The following PLA2G6 variants were observed in gnomAD, a reference collection of about 807,000 sequenced individuals.
PLA2G6 encodes the protein phospholipase A2 group VI.
Under a neutral mutation model 83.8 loss-of-function variants are expected in PLA2G6, and 62 were observed. That is an observed-to-expected ratio of 0.74 (90% CI 0.60 to 0.91). The LOEUF (loss-of-function observed/expected upper bound fraction) is 0.91. Among genes scored for constraint, PLA2G6 ranks in the 40% least tolerant of loss-of-function variants. The pLI is 0.00. For synonymous variants in PLA2G6, 417 were observed against 449.8 expected (o/e 0.93, Z 0.92); for missense variants, 944 against 1,102.0 (o/e 0.86, Z 2.03).
chr22:38,151,828 T>G (rs1025535790), intron 2 of PLA2G6, among the ~76,000 whole-genome samples: 2 of 152,224 alleles, frequency 1.3e-5, no homozygotes, highest in African/African-American at 4.8e-5. Context: ...TCTAAGGTTC[T>G]GTCAAGATGT....
intron 9 of PLA2G6, among the ~76,000 whole-genome samples, chr22:38,127,632 G>A (rs2087945362): frequency 6.6e-6 from 1 of 152,192 alleles, no homozygotes; most frequent in Non-Finnish European, 1.5e-5. Context: ...GGCTCACCAA[G>A]GACTGGCTCC....
At chr22:38,145,224 C>G in intron 3 of PLA2G6, 1 of 613,342 alleles carries the variant, frequency 1.6e-6, no homozygotes, top group Non-Finnish European at 2.9e-6. Context: ...GAGACAAGGT[C>G]TTGCTATTTT....
intron 15 of PLA2G6, 25 bp from the exon 16 acceptor site, chr22:38,112,602 T>C: frequency 6.5e-7 from 1 of 1,542,140 alleles, no homozygotes; most frequent in Non-Finnish European, 8.8e-7. Context: ...CCTTGGTGAG[T>C]GCCGGGCCCA....
At position 38,120,919 on chromosome 22, in the gene PLA2G6, A is replaced by T; in HGVS notation, c.1592-10T>A. 3.7e-6 allele frequency: 6 copies of T among 1,613,084 alleles called. No homozygotes were observed. The South Asian group carries it at 5.5e-5, about 15-fold the overall frequency. ...TAGGCCATGGACTTACCTAGGAACA[A>T]AGGGGTCAGAGGCGGGGAGATGCAG... On this transcript the variant is annotated splice_polypyrimidine_tract_variant and intron_variant, in intron 11 of 16. Coordinates refer to ENST00000332509, the MANE Select transcript of PLA2G6 (RefSeq NM_003560.4).
chr22:38,145,590 C>A lies in PLA2G6; in HGVS notation c.273G>T (p.Leu91=). 6.2e-7 allele frequency: 1 copy of A among 1,613,864 alleles called. No homozygotes were observed. Among genetic ancestry groups the A allele is most frequent in the Non-Finnish European group, 8.5e-7 (1 of 1,179,922 alleles). Residue 91 remains leucine (L), a synonymous_variant, in exon 3 of 17, where the codon CTG becomes CTT. Transcript: ENST00000332509. ...GAGGGGAGCTCTCATAGAAGGGTAG[C>A]AGCTGGGAAGAATACTGATGGAAAT... The part of the protein sequence containing the change: ...LVNFHQYSSQ[L]LPFYESSPQV...
At chr22:38,113,447 A>G in intron 15 of PLA2G6, 40 bp downstream of exon 15, 1 of 1,602,946 alleles carries the variant, frequency 6.2e-7, no homozygotes, top group Non-Finnish European at 8.5e-7. Context: ...TGGGCTACAG[A>G]CCCTGAGGGA....
At chr22:38,148,396 C>CA (rs1430462263) in intron 2 of PLA2G6, 2 of 664,976 alleles carry the variant, frequency 3.0e-6, no homozygotes, top group Non-Finnish European at 5.5e-6. Flanking sequence ...GAATGTGAAA[C>CA]AGACCACCTA....
chr22:38,169,172 G>A (rs754419192), intron 2 of PLA2G6, 46 bp downstream of exon 2: 6 of 1,432,472 alleles, frequency 4.2e-6, no homozygotes, highest in Admixed American at 3.5e-5. Flanking sequence ...TCCGAGACGT[G>A]GGGGAGTGAA....
At chr22:38,152,895 A>C (rs532097261) in intron 2 of PLA2G6, among the ~76,000 whole-genome samples, 4 of 152,326 alleles carry the variant, frequency 2.6e-5, no homozygotes, top group African/African-American at 9.6e-5. Flanking sequence ...CAGACTCATA[A>C]GACTACACGC....
At chr22:38,142,954 G>C in intron 4 of PLA2G6, 151 bp downstream of exon 4, 1 of 788,476 alleles carries the variant, frequency 1.3e-6, no homozygotes, top group Non-Finnish European at 2.3e-6. Flanking sequence ...GCCAGGGAGG[G>C]GTCTGCACCC....
At chr22:38,174,461 T>C (rs189389215) in intron 1 of PLA2G6, among the ~76,000 whole-genome samples, 3 of 151,818 alleles carry the variant, frequency 2.0e-5, no homozygotes, top group East Asian at 3.9e-4. Flanking sequence ...CAGAGGGAGA[T>C]TGGAGCCAAT....
At chr22:38,145,835 C>CACACACACACACACA (rs2089230063) in intron 2 of PLA2G6, 182 bp from the exon 3 acceptor site, 1 of 420,864 alleles carries the variant, frequency 2.4e-6, no homozygotes, top group African/African-American at 3.3e-5. Context: ...ACACACACAC[C>CACACACACACACACA]CCTATACACA....
chr22:38,112,901 C>T lies in PLA2G6; in HGVS notation c.2203-324G>A. ...CCCTCCCTCCCTCCTCTCTCTCTCTCTCTCTCTTTCTTTCTTTCTTTTTGA... is the reference window on the plus strand; with the variant it reads ...CCCTCCCTCCCTCCTCTCTCTCTCTTTCTCTCTTTCTTTCTTTCTTTTTGA... On this transcript the variant is annotated intron_variant, in intron 15 of 16. Transcript: ENST00000332509. The T allele has an allele frequency of 2.3e-5, 12 of 512,148 alleles. No individual in the cohort carries two copies. The South Asian group carries it at 2.6e-4, about 11-fold the overall frequency. 31.7% of individuals were successfully genotyped at this position (512,148 alleles called of 1,614,324 possible).
intron 4 of PLA2G6, chr22:38,140,644 A>C: frequency 5.1e-6 from 1 of 196,016 alleles, no homozygotes; most frequent in Non-Finnish European, 1.1e-5. Context: ...GCTGTATCTC[A>C]GGATGGGCAC....
chr22:38,118,412 T>C (rs1053017368), intron 12 of PLA2G6, among the ~76,000 whole-genome samples: 3 of 152,224 alleles, frequency 2.0e-5, no homozygotes, highest in Non-Finnish European at 2.9e-5. Context: ...AATGACTCCA[T>C]ATTCGTTTCT....
Position 38,169,283 on chromosome 22 carries a change from C to T in PLA2G6, c.144G>A (p.Gln48=). The T allele has an allele frequency of 6.2e-7, 1 of 1,614,214 alleles. No homozygotes were observed. Among genetic ancestry groups the T allele is most frequent in the Non-Finnish European group, 8.5e-7 (1 of 1,180,038 alleles). Residue 48 remains glutamine, a synonymous_variant, in exon 2 of 17, where the codon CAG becomes CAA. Transcript: ENST00000332509. ...VREEGQLILF[Q]NTPNRTWDCV... is the part of the protein sequence containing the mutation. ...AGTCCCAGGTGCGGTTGGGAGTGTT[C>T]TGGAACAGAATCAGCTGCCCTTCCT... is the stretch of plus-strand genomic sequence containing the variant.
intron 2 of PLA2G6, among the ~76,000 whole-genome samples, chr22:38,157,907 G>T (rs1298084483): frequency 1.3e-5 from 2 of 151,738 alleles, no homozygotes; most frequent in Non-Finnish European, 2.9e-5. Context: ...GTGGTGGTGG[G>T]CGCCTGTAAT....
intron 9 of PLA2G6, 186 bp from the exon 10 acceptor site, chr22:38,126,635 C>T: frequency 1.6e-6 from 1 of 630,902 alleles, no homozygotes; most frequent in Non-Finnish European, 2.9e-6. Context: ...GAGCCACAGG[C>T]CACAGGAGAG....
At chr22:38,168,480 C>T (rs953414734) in intron 2 of PLA2G6, among the ~76,000 whole-genome samples, 1 of 152,238 alleles carries the variant, frequency 6.6e-6, no homozygotes, top group Admixed American at 6.5e-5. Context: ...CCAGCATGCC[C>T]CAAGAGGCAA....
Sources: allele counts gnomAD v4.1 joint callset (sites outside exome capture counted in the v4.1 genomes callset), GRCh38; gene constraint gnomAD v4.1.1; transcripts MANE v1.5; gene names NCBI Gene and HGNC (gene_info 2026-07-23, HGNC 2026-07-21).